NTSR2: variants seen among roughly 807,000 people sequenced by gnomAD.
The protein encoded by NTSR2 is neurotensin receptor type 2.
In NTSR2, 22 loss-of-function variants were observed where a neutral mutation model predicts 24.1. The ratio of observed to expected loss-of-function variants is 0.91; its 90% CI spans 0.65 to 1.30. NTSR2 has a LOEUF of 1.30. NTSR2 is among the 50% of genes most tolerant of loss of function. The pLI is 0.00. For synonymous variants in NTSR2, 291 were observed against 267.0 expected (o/e 1.09, Z -0.88); for missense variants, 570 against 570.4 (o/e 1.00, Z 0.01).
intron 1 of NTSR2, 46 bp downstream of exon 1, chr2:11,669,460 G>GGGGGGGGGGCCC: frequency 3.9e-6 from 1 of 254,724 alleles, no homozygotes; most frequent in Non-Finnish European, 6.9e-6. Flanking sequence ...TCCCAGCACC[G>GGGGGGGGGGCCC]CCCCCCCACC....
rs1164133779 is a variant in NTSR2 at position 11,669,741 on chromosome 2, C to T, written c.389G>A (p.Ser130Asn). 1 of 1,534,512 alleles carries T rather than the reference C, an allele frequency of 6.5e-7. No homozygotes were observed. Among genetic ancestry groups the T allele is most frequent in the Non-Finnish European group, 8.7e-7 (1 of 1,146,376 alleles). Reference sequence around the variant, plus strand: ...GCACACGGCTAGGCAGCGCTCGGCGCTCAGGCCTGCCACGCTCAGCACCGT... The same window carrying T: ...GCACACGGCTAGGCAGCGCTCGGCGTTCAGGCCTGCCACGCTCAGCACCGT... ...YATVLSVAGL[S>N]AERCLAVCQP... The change falls in exon 1 of 4, where the codon AGC becomes AAC. Residue 130 changes from serine (S) to asparagine (N), a missense_variant. Ser to Asn is a conservative substitution (Grantham distance 46). Coordinates refer to ENST00000306928, the MANE Select transcript of NTSR2 (RefSeq NM_012344.4).
rs1661296002 is a variant in NTSR2 at position 11,669,941 on chromosome 2, C to G, written c.189G>C (p.Gly63=). 1 of 1,514,790 alleles carries G rather than the reference C, an allele frequency of 6.6e-7. No individual in the cohort carries two copies. Among genetic ancestry groups the G allele is most frequent in the African/African-American group, 1.4e-5 (1 of 70,694 alleles). The allele number at this position is 1,514,790 out of a possible 1,614,324, so 93.8% of individuals were successfully genotyped here. The change falls in exon 1 of 4, where the codon GGG becomes GGC. Residue 63 remains glycine (G), a synonymous_variant. Transcript: ENST00000306928. Reference sequence around the variant, plus strand: ...CGTGGTGGCGCAGGCGCCCCGCGCGCCCGGCCCGCGCCTTCAGCACCACGT... The same window carrying G: ...CGTGGTGGCGCAGGCGCCCCGCGCGGCCGGCCCGCGCCTTCAGCACCACGT... ...SAHVVLKARA[G]RAGRLRHHVL... is the part of the protein sequence containing the mutation.
intron 2 of NTSR2, among the ~76,000 whole-genome samples, chr2:11,660,543 A>C (rs1316552817): frequency 1.3e-5 from 2 of 152,270 alleles, no homozygotes; most frequent in South Asian, 2.1e-4. Flanking sequence ...AGGCAGGTGG[A>C]TCAGTTGAGG....
chr2:11,670,003 A>G lies in NTSR2; in HGVS notation c.127T>C (p.Trp43Arg). 6.6e-7 allele frequency: 1 copy of G among 1,516,996 alleles called. No individual in the cohort carries two copies. 94.0% of individuals were successfully genotyped at this position (1,516,996 alleles called of 1,614,324 possible). A position where few individuals can be genotyped will look rare whatever the true frequency, so the allele number is the denominator to read the frequency against. ...GCATTGCCCGCCGCGCCCAGCGCCCAGATGAGTGCGTAGAGCGCGGTGAAC... is the reference window on the plus strand; with the variant it reads ...GCATTGCCCGCCGCGCCCAGCGCCCGGATGAGTGCGTAGAGCGCGGTGAAC... ...VLFTALYALI[W>R]ALGAAGNALS... Residue 43 changes from tryptophan to arginine, a missense_variant, in exon 1 of 4, where the codon TGG becomes CGG. Transcript: ENST00000306928.
intron 3 of NTSR2, among the ~76,000 whole-genome samples, chr2:11,659,491 C>T (rs1426968557): frequency 1.3e-5 from 2 of 152,246 alleles, no homozygotes; most frequent in Non-Finnish European, 2.9e-5. Context: ...AGGCATCTGT[C>T]ACATGGCTCT....
At chr2:11,669,460 G>GGGGGGGGGGCCCCCCCCC in intron 1 of NTSR2, 46 bp downstream of exon 1, 1 of 254,726 alleles carries the variant, frequency 3.9e-6, no homozygotes, top group Non-Finnish European at 6.9e-6. Flanking sequence ...TCCCAGCACC[G>GGGGGGGGGGCCCCCCCCC]CCCCCCCACC....
rs144536260 is a variant in NTSR2, at chr2:11,667,419, T to G, written c.624+2087A>C. ...TGGAGTGCAGTGATGCAATCATGAC[T>G]CAATGTAACCTCAAACTCCTCGGTT... On this transcript the variant is annotated intron_variant, in intron 1 of 3. Coordinates refer to ENST00000306928, the MANE Select transcript of NTSR2 (RefSeq NM_012344.4). Among the ~76,000 whole-genome samples, 797 of 152,330 alleles carry G rather than the reference T, an allele frequency of 5.2e-3. 4 individuals carry two copies. The highest frequency in any genetic ancestry group is 0.018 in the African/African-American group (754 of 41,570).
At chr2:11,669,460 G>GGGGGGGGGGGGGCGCC in intron 1 of NTSR2, 46 bp downstream of exon 1, 1 of 254,726 alleles carries the variant, frequency 3.9e-6, no homozygotes, top group East Asian at 5.5e-5. Flanking sequence ...TCCCAGCACC[G>GGGGGGGGGGGGGCGCC]CCCCCCCACC....
intron 1 of NTSR2, among the ~76,000 whole-genome samples, chr2:11,664,542 C>T (rs1661154224): frequency 6.6e-6 from 1 of 152,084 alleles, no homozygotes; most frequent in Non-Finnish European, 1.5e-5. Flanking sequence ...ATCAGCAACA[C>T]TGAGGGAAAA....
chr2:11,665,999 G>T (rs1159476724), intron 1 of NTSR2: 1 of 152,486 alleles, frequency 6.6e-6, no homozygotes, highest in African/African-American at 2.4e-5. Flanking sequence ...AAGAAACCAG[G>T]TCAAGACTGC....
rs1423072758 is a variant in NTSR2 at position 11,669,880 on chromosome 2, G to C, written c.250C>G (p.Leu84Val). Residue 84 changes from leucine (L) to valine (V), a missense_variant, in exon 1 of 4, where the codon CTG becomes GTG. Coordinates refer to ENST00000306928, the MANE Select transcript of NTSR2 (RefSeq NM_012344.4). The part of the protein sequence containing the change: ...SLALAGLLLL[L>V]VGVPVELYSF... ...TAGAGCTCCACCGGCACGCCGACCA[G>C]CAGCAGCAGCAGGCCCGCGAGCGCC... The C allele has an allele frequency of 2.6e-6, 4 of 1,538,858 alleles. No individual in the cohort carries two copies. The highest frequency in any genetic ancestry group is 2.6e-6 in the Non-Finnish European group (3 of 1,144,916).
In NTSR2 at chr2:11,658,548, C is replaced by T. The variant is rs138784927; in HGVS notation, c.1164G>A (p.Pro388=). 9.9e-4 allele frequency: 1,605 copies of T among 1,614,120 alleles called. 7 individuals are homozygous for T. The highest frequency in any genetic ancestry group is 1.2e-3 in the Non-Finnish European group (1,444 of 1,180,006). ...CCATTAGGGTGGGACTCTGGGGCTT[C>T]GGGGGTAACCGCTTCATGGGGTGGT... The part of the protein sequence containing the change: ...GEHHPMKRLP[P]KPQSPTLMDT... Residue 388 remains proline (P), a synonymous_variant, in exon 4 of 4, where the codon CCG becomes CCA. Coordinates refer to ENST00000306928, the MANE Select transcript of NTSR2 (RefSeq NM_012344.4).
rs143800347 is a variant in NTSR2 at position 11,658,371 on chromosome 2, C to T, written c.*108G>A. 4,194 of 1,457,504 alleles carry T rather than the reference C, an allele frequency of 2.9e-3. 93 individuals carry two copies. In the African/African-American group the frequency reaches 0.053, roughly 18 times the overall value. 90.3% of individuals were successfully genotyped at this position (1,457,504 alleles called of 1,614,324 possible). On this transcript the variant is annotated 3_prime_UTR_variant, in exon 4 of 4. Transcript: ENST00000306928. ...CAGCAGAGCAGGGGTTGATAGAAGT[C>T]GCCCTGGCTGCGAAGCTTGAATGAT... is the stretch of plus-strand genomic sequence containing the variant.
intron 3 of NTSR2, among the ~76,000 whole-genome samples, 190 bp downstream of exon 3, chr2:11,659,853 G>T (rs1443614414): frequency 1.3e-5 from 2 of 152,186 alleles, no homozygotes; most frequent in African/African-American, 4.8e-5. Context: ...TACCAGGTCA[G>T]ATACAATGTT....
chr2:11,664,420 A>G (rs1661150137), intron 1 of NTSR2, among the ~76,000 whole-genome samples: 1 of 152,154 alleles, frequency 6.6e-6, no homozygotes. Context: ...GCCTGGACTA[A>G]CTGAATGATA....
intron 2 of NTSR2, among the ~76,000 whole-genome samples, chr2:11,661,019 T>A (rs1269225802): frequency 6.6e-6 from 1 of 152,064 alleles, no homozygotes; most frequent in Non-Finnish European, 1.5e-5. Context: ...TCCCACCCCT[T>A]CCCTCTCCTG....
rs4578832 is a variant in NTSR2, at chr2:11,669,387, G to A, written c.624+119C>T. 450,365 of 899,530 alleles carry A rather than the reference G, an allele frequency of 0.5. 117,935 individuals carry two copies. The highest frequency in any genetic ancestry group is 0.6 in the South Asian group (18,291 of 30,562). 55.7% of individuals were successfully genotyped at this position (899,530 alleles called of 1,614,324 possible). A position where few individuals can be genotyped will look rare whatever the true frequency, so the allele number is the denominator to read the frequency against. ...GGGACAGAGCAACAAGACCCAACTT[G>A]CTGGGTGGTGGCGAGCATTAGAGTC... On this transcript the variant is annotated intron_variant, in intron 1 of 3. Coordinates refer to ENST00000306928, the MANE Select transcript of NTSR2 (RefSeq NM_012344.4).
chr2:11,667,984 A>G lies in NTSR2; in HGVS notation c.624+1522T>C, dbSNP rs1312115337. ...TCAGTGGAGAGAAGGCCCTGTTGCC[A>G]GGACAGCCACTCCACAGAGGTACAC... On this transcript the variant is annotated intron_variant, in intron 1 of 3. Transcript: ENST00000306928. 2.6e-5 allele frequency among the ~76,000 whole-genome samples: 4 copies of G among 152,360 alleles called. No homozygotes were observed. In the East Asian group the frequency reaches 5.8e-4, roughly 22 times the overall value.
At position 11,670,029 on chromosome 2, in the gene NTSR2, A is replaced by G. The variant is rs1661301255; in HGVS notation, c.101T>C (p.Leu34Pro). Residue 34 changes from leucine to proline, a missense_variant, in exon 1 of 4, where the codon CTG becomes CCG. By Grantham distance (98) the Leu-to-Pro change is moderately conservative. Transcript: ENST00000306928. ...GVDTRLWAKV[L>P]FTALYALIWA... ...GATGAGTGCGTAGAGCGCGGTGAAC[A>G]GCACCTTGGCCCAGAGGCGAGTGTC... 4 of 1,514,828 alleles carry G rather than the reference A, an allele frequency of 2.6e-6. No individual in the cohort carries two copies. In the Admixed American group the frequency reaches 8.5e-5, roughly 32 times the overall value. The allele number at this position is 1,514,828 out of a possible 1,614,324, so 93.8% of individuals were successfully genotyped here.
Sources: gnomAD v4.1 joint callset for allele counts (sites outside exome capture counted in the v4.1 genomes callset) on GRCh38, gnomAD v4.1.1 for gene constraint, MANE v1.5 for transcripts, NCBI Gene and HGNC (gene_info 2026-07-23, HGNC 2026-07-21) for gene names.